The following BRD8 variants were observed in gnomAD, a reference collection of about 807,000 sequenced individuals.
BRD8 encodes bromodomain-containing protein 8.
A neutral mutation model predicts 143.1 loss-of-function variants in BRD8; 67 were observed. The observed-to-expected ratio is 0.47, with a 90% CI of 0.38 to 0.57. The LOEUF is 0.57. Among genes scored for constraint, BRD8 ranks in the 20% least tolerant of loss-of-function variants. The pLI is 0.00. For missense variants in BRD8, 1,103 were observed against 1,503.0 expected, an observed-to-expected ratio of 0.73 and a Z score of 4.40; for synonymous variants, 505 against 517.1, an observed-to-expected ratio of 0.98 and a Z score of 0.32.
chr5:138,159,516 T>G (rs758444202), intron 20 of BRD8, 39 bp downstream of exon 20: 6 of 1,608,334 alleles, frequency 3.7e-6, no homozygotes, highest in Non-Finnish European at 5.1e-6. Flanking sequence ...CTGAGAATCT[T>G]TGTGGCAACA....
intron 9 of BRD8, 57 bp downstream of exon 9, chr5:138,167,877 T>A: frequency 1.3e-6 from 2 of 1,485,224 alleles, no homozygotes; most frequent in Admixed American, 1.7e-5. Flanking sequence ...GAAACTGAGG[T>A]CAGTCAATGT....
chr5:138,147,322 A>C (rs576261585), intron 23 of BRD8, among the ~76,000 whole-genome samples: 1 of 149,832 alleles, frequency 6.7e-6, no homozygotes, highest in Admixed American at 6.7e-5. Flanking sequence ...ATATATTCAT[A>C]TATAAATATA....
chr5:138,177,367 T>TA (rs36124187), intron 2 of BRD8: 216,726 of 344,246 alleles, frequency 0.63, 69,944 homozygotes, highest in African/African-American at 0.71. Context: ...CTGTCTCTAC[T>TA]AAAAAATACA....
intron 8 of BRD8, chr5:138,168,362 T>G (rs1753609525): frequency 6.1e-6 from 5 of 824,442 alleles, no homozygotes; most frequent in Non-Finnish European, 1.0e-5. Flanking sequence ...TTAGGAGATC[T>G]TTTCCTCTTT....
chr5:138,161,138 T>C, intron 17 of BRD8, 70 bp from the exon 18 acceptor site: 1 of 1,266,946 alleles, frequency 7.9e-7, no homozygotes, highest in Non-Finnish European at 1.1e-6. Context: ...TATGAATACA[T>C]TATCATATAG....
intron 20 of BRD8, chr5:138,156,972 A>G: frequency 7.4e-7 from 1 of 1,350,168 alleles, no homozygotes; most frequent in South Asian, 1.9e-5. Context: ...AAGACAATAC[A>G]AACTAGCTAC....
rs775182937 is a variant in BRD8 at position 138,165,091 on chromosome 5, G to A, written c.1354C>T (p.Pro452Ser). Residue 452 changes from proline to serine, a missense_variant, in exon 12 of 27, where the codon CCT (proline) becomes TCT (serine). By Grantham distance (74) the Pro-to-Ser change is moderately conservative. This residue lies in a region of BRD8 where 53 missense variants were observed against 101.4 expected (regional missense o/e 0.52). Coordinates refer to ENST00000254900, the MANE Select transcript of BRD8 (RefSeq NM_139199.2). ...ALSFCEENDDPQSLPGPWEHP... is the reference protein window; with the variant it reads ...ALSFCEENDDSQSLPGPWEHP... ...TCCCAGGGGCCAGGCAGGGACTGAG[G>A]ATCATCATTTTCTTCACAAAATGAC... is the stretch of plus-strand genomic sequence containing the variant. The A allele has an allele frequency of 2.5e-6, 4 of 1,614,054 alleles. No individual in the cohort carries two copies. The highest frequency in any genetic ancestry group is 1.1e-5 in the South Asian group (1 of 91,072).
At chr5:138,158,105 T>C (rs543806078) in intron 20 of BRD8, among the ~76,000 whole-genome samples, 1 of 152,348 alleles carries the variant, frequency 6.6e-6, no homozygotes, top group African/African-American at 2.4e-5. Context: ...ATGTGTATAA[T>C]GCTTTTCTTT....
At chr5:138,163,713 T>A in intron 14 of BRD8, 2 of 1,055,304 alleles carry the variant, frequency 1.9e-6, no homozygotes, top group Non-Finnish European at 2.6e-6. Context: ...CACATCACAT[T>A]CTTTAAGCCT....
Position 138,169,422 on chromosome 5 carries a change from T to G in BRD8, c.506-64A>C, listed in dbSNP as rs73792430. 2.2e-4 allele frequency: 343 copies of G among 1,556,858 alleles called. 2 individuals are homozygous for G. The African/African-American group carries it at 4.0e-3, about 18-fold the overall frequency. The stretch of plus-strand genomic sequence containing the variant: ...TTAAATAAATGAAACTTGACACTAG[T>G]CTGCTATTATACAATAAAGGACAAA... On this transcript the variant is annotated intron_variant, in intron 7 of 26. Transcript: ENST00000254900.
chr5:138,149,567 T>C (rs1752298153), intron 23 of BRD8, 73 bp downstream of exon 23: 1 of 1,322,446 alleles, frequency 7.6e-7, no homozygotes, highest in Non-Finnish European at 1.0e-6. Flanking sequence ...ATAAAAGTAA[T>C]CCATTTCATG....
At chr5:138,142,240 C>T (rs1161937711) in intron 25 of BRD8, among the ~76,000 whole-genome samples, 1 of 152,166 alleles carries the variant, frequency 6.6e-6, no homozygotes, top group Admixed American at 6.5e-5. Context: ...GAAGCAGAAG[C>T]AGAGAGTAAC....
intron 7 of BRD8, 40 bp downstream of exon 7, chr5:138,170,305 T>C (rs777276210): frequency 1.5e-6 from 2 of 1,306,140 alleles, no homozygotes; most frequent in Non-Finnish European, 2.2e-6. Flanking sequence ...TGCAGTACTG[T>C]GCAATCAATT....
chr5:138,159,682 A>G, intron 19 of BRD8, 83 bp from the exon 20 acceptor site: 4 of 1,350,960 alleles, frequency 3.0e-6, no homozygotes, highest in Non-Finnish European at 4.2e-6. Context: ...CAGAGACACA[A>G]GCACCACACA....
chr5:138,177,570 C>T lies in BRD8; in HGVS notation c.116+1G>A. 6.2e-7 allele frequency: 1 copy of T among 1,605,506 alleles called. No individual in the cohort carries two copies. The highest frequency in any genetic ancestry group is 8.5e-7 in the Non-Finnish European group (1 of 1,173,610). On this transcript the variant is annotated splice_donor_variant, in intron 2 of 26. Transcript: ENST00000254900. LOFTEE classifies it high-confidence loss of function. ...AAAAGCTGACATCCTAGATACCTTA[C>T]CAATTTTGATCGCCACTTCTCATGA...
intron 7 of BRD8, among the ~76,000 whole-genome samples, chr5:138,169,851 C>T (rs1753725535): frequency 2.0e-5 from 3 of 152,214 alleles, no homozygotes; most frequent in African/African-American, 2.4e-5. Flanking sequence ...GCCAGCTACT[C>T]GGGAGGCTGA....
chr5:138,172,500 G>GT (rs1753946640), intron 2 of BRD8, among the ~76,000 whole-genome samples: 8 of 128,418 alleles, frequency 6.2e-5, no homozygotes, highest in South Asian at 2.6e-4. Flanking sequence ...TCCAGCCTGG[G>GT]GACAGAGTGA....
intron 6 of BRD8, 47 bp downstream of exon 6, chr5:138,170,783 AAG>A (rs774710712): frequency 4.6e-5 from 69 of 1,508,810 alleles, no homozygotes; most frequent in Admixed American, 1.3e-4. Flanking sequence ...TTGAGGGGAA[AAG>A]AGGGTAAAAA....
intron 21 of BRD8, among the ~76,000 whole-genome samples, chr5:138,151,987 T>C (rs911467524): frequency 6.6e-6 from 1 of 152,228 alleles, no homozygotes. Context: ...CCCGAGCAGC[T>C]GGGATTACAG....
Sources: gnomAD v4.1 joint callset for allele counts (sites outside exome capture counted in the v4.1 genomes callset) on GRCh38, gnomAD v4.1.1 for gene constraint, gnomAD v4.1.1 regional missense constraint, MANE v1.5 for transcripts, NCBI Gene and HGNC (gene_info 2026-07-23, HGNC 2026-07-21) for gene names.